Variants in LRTM2 observed in about 807,000 individuals in gnomAD.
LRTM2 encodes the protein leucine-rich repeat and transmembrane domain-containing protein 2.
Under a neutral mutation model 28.1 loss-of-function variants are expected in LRTM2, and 18 were observed. That is an observed-to-expected ratio of 0.64 (90% CI 0.44 to 0.95). The LOEUF is 0.95. LRTM2 is among the 40% of genes least tolerant of loss of function. The pLI, the probability that LRTM2 is intolerant of heterozygous loss-of-function variation, is 0.00. For synonymous variants in LRTM2, 250 were observed against 218.7 expected (o/e 1.14, Z -1.26); for missense variants, 436 against 497.2 (o/e 0.88, Z 1.17).
chr12:1,829,692 G>A lies in LRTM2; in HGVS notation c.68-1243G>A, dbSNP rs768272324. ...GTTCAGACCCAGCTCACAGCCCATCGGCCCACCCCGACCTGGGACAGCCAG... is the reference window on the plus strand; with the variant it reads ...GTTCAGACCCAGCTCACAGCCCATCAGCCCACCCCGACCTGGGACAGCCAG... On this transcript the variant is annotated intron_variant, in intron 3 of 4. Coordinates refer to ENST00000299194, the MANE Select transcript of LRTM2 (RefSeq NM_001039029.3). The surrounding 1 kb of genome is among the most constrained non-coding windows in gnomAD (Gnocchi z 4.2). 6.1e-5 allele frequency among the ~76,000 whole-genome samples: 9 copies of A among 147,992 alleles called. No individual in the cohort carries two copies. Among genetic ancestry groups the A allele is most frequent in the South Asian group, 2.3e-4 (1 of 4,432 alleles).
rs1430954002 is a variant in LRTM2 at position 1,834,638 on chromosome 12, C to A, written c.1030C>A (p.Arg344=). 1.2e-6 allele frequency: 2 copies of A among 1,600,572 alleles called. No homozygotes were observed. Among genetic ancestry groups the A allele is most frequent in the Non-Finnish European group, 1.7e-6 (2 of 1,179,848 alleles). ...IYASLMAKYH[R]ELKKRQPLMG... ...CGCCTCCCTCATGGCCAAGTACCAC[C>A]GGGAGCTCAAAAAGCGCCAGCCCCT... is the stretch of plus-strand genomic sequence containing the variant. The change falls in exon 5 of 5, where the codon CGG becomes AGG. Residue 344 remains arginine, a synonymous_variant. Transcript: ENST00000299194. This position sits in a 1 kb window ranked among gnomAD's most constrained non-coding sequence, Gnocchi z 7.6.
chr12:1,831,853 A>G (rs1327027583), intron 4 of LRTM2, among the ~76,000 whole-genome samples: 1 of 150,248 alleles, frequency 6.7e-6, no homozygotes, highest in Middle Eastern at 3.2e-3. Context: ...ACATAAGGGC[A>G]GTAAAGACAC....
chr12:1,831,640 G>T, intron 4 of LRTM2, 115 bp downstream of exon 4: 1 of 856,938 alleles, frequency 1.2e-6, no homozygotes, highest in East Asian at 2.5e-5. Flanking sequence ...GGAAAGAAGG[G>T]GGCGACCCTG....
rs1864531052 is a variant in LRTM2 at position 1,829,707 on chromosome 12, G to A, written c.68-1228G>A. On this transcript the variant is annotated intron_variant, in intron 3 of 4. Coordinates refer to ENST00000299194, the MANE Select transcript of LRTM2 (RefSeq NM_001039029.3). The surrounding 1 kb of genome is among the most constrained non-coding windows in gnomAD (Gnocchi z 4.2). ...ACAGCCCATCGGCCCACCCCGACCT[G>A]GGACAGCCAGGTCCCAGGTCCCATG... 6.7e-6 allele frequency among the ~76,000 whole-genome samples: 1 copy of A among 149,012 alleles called. No individual in the cohort carries two copies. Among genetic ancestry groups the A allele is most frequent in the South Asian group, 2.1e-4 (1 of 4,690 alleles).
chr12:1,823,954 G>C (rs531520829), intron 1 of LRTM2, among the ~76,000 whole-genome samples: 1 of 152,206 alleles, frequency 6.6e-6, no homozygotes, highest in Non-Finnish European at 1.5e-5. Flanking sequence ...CAGAGAGCTC[G>C]GGCTCAGAGC....
rs1465542325 is a variant in LRTM2 at position 1,828,612 on chromosome 12, G to C, written c.67+397G>C. ...GTCACAGACTGCGGCGAGCCCTTTT[G>C]CTCCCGTGGGGAACTGCCCCCTTGG... On this transcript the variant is annotated intron_variant, in intron 3 of 4. Transcript: ENST00000299194. The surrounding 1 kb of genome is among the most constrained non-coding windows in gnomAD (Gnocchi z 4.2). 6.6e-6 allele frequency among the ~76,000 whole-genome samples: 1 copy of C among 152,240 alleles called. No individual in the cohort carries two copies. The highest frequency in any genetic ancestry group is 1.5e-5 in the Non-Finnish European group (1 of 68,048).
At chr12:1,831,575 C>G (rs1480939110) in intron 4 of LRTM2, 50 bp downstream of exon 4, 2 of 1,469,330 alleles carry the variant, frequency 1.4e-6, no homozygotes, top group Non-Finnish European at 1.9e-6. Context: ...ACGATCACCT[C>G]TGGCCCCACA....
At chr12:1,830,842 A>G (rs1473703201) in intron 3 of LRTM2, 93 bp from the exon 4 acceptor site, 1 of 1,060,834 alleles carries the variant, frequency 9.4e-7, no homozygotes, top group Non-Finnish European at 1.3e-6. Context: ...GATAAAGCCA[A>G]GAGCCTGTTA....
chr12:1,822,904 C>A (rs1426432056), intron 1 of LRTM2, among the ~76,000 whole-genome samples: 2 of 152,184 alleles, frequency 1.3e-5, no homozygotes, highest in Admixed American at 6.5e-5. Flanking sequence ...TGGCTGGCCA[C>A]TCTCCGGGCT....
rs1592697241 is a variant in LRTM2, at chr12:1,834,831, C to G, written c.*110C>G. 1 of 1,436,064 alleles carries G rather than the reference C, an allele frequency of 7.0e-7. No homozygotes were observed. Among genetic ancestry groups the G allele is most frequent in the African/African-American group, 1.4e-5 (1 of 69,988 alleles). 89.0% of individuals were successfully genotyped at this position (1,436,064 alleles called of 1,614,324 possible). On this transcript the variant is annotated 3_prime_UTR_variant, in exon 5 of 5. Coordinates refer to ENST00000299194, the MANE Select transcript of LRTM2 (RefSeq NM_001039029.3). This position sits in a 1 kb window ranked among gnomAD's most constrained non-coding sequence, Gnocchi z 7.6. ...TGGCCACTGCCTCCCCGAGTCCACC[C>G]TCCTCCCCGCCCTCCAGCAGACAAG... is the stretch of plus-strand genomic sequence containing the variant.
rs369719454 is a variant in LRTM2, at chr12:1,834,158, C to T, written c.659-109C>T. Reference sequence around the variant, plus strand: ...GGTGATTCCAGGATTGACTACATTGCTGATAAAAACTACCTTCTGGGGCTT... The same window carrying T: ...GGTGATTCCAGGATTGACTACATTGTTGATAAAAACTACCTTCTGGGGCTT... On this transcript the variant is annotated intron_variant, in intron 4 of 4. Transcript: ENST00000299194. The surrounding 1 kb of genome is among the most constrained non-coding windows in gnomAD (Gnocchi z 7.6). The T allele has an allele frequency of 2.3e-5, 29 of 1,264,106 alleles. No homozygotes were observed. The highest frequency in any genetic ancestry group is 1.4e-4 in the Admixed American group (5 of 35,984). 78.3% of individuals were successfully genotyped at this position (1,264,106 alleles called of 1,614,324 possible).
At position 1,834,685 on chromosome 12, in the gene LRTM2, G is replaced by A; in HGVS notation, c.1077G>A (p.Glu359=). The A allele has an allele frequency of 1.9e-6, 3 of 1,601,990 alleles. No homozygotes were observed. Among genetic ancestry groups the A allele is most frequent in the Non-Finnish European group, 2.5e-6 (3 of 1,179,332 alleles). Residue 359 remains glutamate (E), a synonymous_variant, in exon 5 of 5, where the codon GAG becomes GAA. Transcript: ENST00000299194. This position sits in a 1 kb window ranked among gnomAD's most constrained non-coding sequence, Gnocchi z 7.6. ...CCCTGATGGGGGACCCCGAGGGCGA[G>A]CACGAGGACCAGAAGCAGATCTCTT... ...RQPLMGDPEG[E]HEDQKQISSV...
intron 4 of LRTM2, among the ~76,000 whole-genome samples, chr12:1,831,777 C>T (rs1864645665): frequency 6.9e-6 from 1 of 144,630 alleles, no homozygotes; most frequent in Admixed American, 6.9e-5. Flanking sequence ...GCTCTGCATC[C>T]CCTCCCCCAG....
chr12:1,821,085 G>T (rs932672098), intron 1 of LRTM2, among the ~76,000 whole-genome samples: 1 of 152,190 alleles, frequency 6.6e-6, no homozygotes, highest in Admixed American at 6.5e-5. Context: ...CAGCGCTGGC[G>T]CCAGATGACA....
At chr12:1,822,073 C>T (rs1864127068) in intron 1 of LRTM2, 1 of 152,122 alleles carries the variant, frequency 6.6e-6, no homozygotes, top group Non-Finnish European at 1.5e-5. Flanking sequence ...CCCACCTCCC[C>T]ACCGGCAGAA....
chr12:1,831,954 T>A (rs1448285427), intron 4 of LRTM2, among the ~76,000 whole-genome samples: 2 of 152,128 alleles, frequency 1.3e-5, no homozygotes, highest in Non-Finnish European at 2.9e-5. Flanking sequence ...AATACAGCCA[T>A]CTCTTAAACA....
intron 3 of LRTM2, among the ~76,000 whole-genome samples, chr12:1,830,026 C>T (rs1389708912): frequency 6.6e-6 from 1 of 152,168 alleles, no homozygotes; most frequent in Admixed American, 6.5e-5. Flanking sequence ...AGACAGGACC[C>T]CATGCTCGCT....
rs1242595307 is a variant in LRTM2 at position 1,835,417 on chromosome 12, AT to A, written c.*698del. The A allele has an allele frequency of 6.6e-6, 1 of 151,764 alleles. No homozygotes were observed. Among genetic ancestry groups the A allele is most frequent in the African/African-American group, 2.4e-5 (1 of 40,848 alleles). The allele number at this position is 151,764 out of a possible 1,614,324, so 9.4% of individuals were successfully genotyped here. A position where few individuals can be genotyped will look rare whatever the true frequency, so the allele number is the denominator to read the frequency against. ...CAGTGCGGTCACATGGATTGAAAGAATTAATACACACACACACACACACACA... is the reference window on the plus strand; with the variant it reads ...CAGTGCGGTCACATGGATTGAAAGAATAATACACACACACACACACACACA... On this transcript the variant is annotated 3_prime_UTR_variant, in exon 5 of 5. Transcript: ENST00000299194.
Position 1,834,754 on chromosome 12 carries a change from C to G in LRTM2, c.*33C>G. On this transcript the variant is annotated 3_prime_UTR_variant, in exon 5 of 5. Coordinates refer to ENST00000299194, the MANE Select transcript of LRTM2 (RefSeq NM_001039029.3). The surrounding 1 kb of genome is among the most constrained non-coding windows in gnomAD (Gnocchi z 7.6). ...TCCCCACCCGGCCAGGTAGGAAGGG[C>G]GGGGAGAGCACACGGCATTGCTCAG... 1 of 1,553,606 alleles carries G rather than the reference C, an allele frequency of 6.4e-7. No homozygotes were observed. Among genetic ancestry groups the G allele is most frequent in the East Asian group, 2.3e-5 (1 of 44,284 alleles).
Sources: allele counts gnomAD v4.1 joint callset (sites outside exome capture counted in the v4.1 genomes callset), GRCh38; gene constraint gnomAD v4.1.1; non-coding constraint Gnocchi (gnomAD v3.1); transcripts MANE v1.5; gene names NCBI Gene and HGNC (gene_info 2026-07-23, HGNC 2026-07-21).